The following KIFAP3 variants were observed in gnomAD, a reference collection of about 807,000 sequenced individuals.
KIFAP3 encodes kinesin-associated protein 3.
In KIFAP3, 68 loss-of-function variants were observed where a neutral mutation model predicts 106.5. That is an observed-to-expected ratio of 0.64 (90% confidence interval 0.53 to 0.78). The LOEUF (loss-of-function observed/expected upper bound fraction) is 0.78, where lower values mean the gene tolerates loss of function less well. Ranked by LOEUF, KIFAP3 falls within the 30% of genes least tolerant of loss-of-function variation. The pLI, the probability that KIFAP3 is intolerant of heterozygous loss-of-function variation, is 0.00. For synonymous variants in KIFAP3, 320 were observed against 311.5 expected (o/e 1.03, Z -0.29); for missense variants, 780 against 941.8 (o/e 0.83, Z 2.25).
intron 5 of KIFAP3, among the ~76,000 whole-genome samples, chr1:170,037,577 A>C (rs1347031043): frequency 6.6e-6 from 1 of 152,036 alleles, no homozygotes; most frequent in Middle Eastern, 3.4e-3. Context: ...TAAAAAAAAA[A>C]AAACAAACCA....
At chr1:170,041,787 G>T in intron 3 of KIFAP3, 1 of 1,528,078 alleles carries the variant, frequency 6.5e-7, no homozygotes, top group Non-Finnish European at 8.8e-7. Context: ...CTGATCTGTT[G>T]GCCTCCTTAA....
intron 1 of KIFAP3, among the ~76,000 whole-genome samples, chr1:170,064,081 G>C (rs1371784924): frequency 2.0e-5 from 3 of 152,078 alleles, no homozygotes; most frequent in African/African-American, 7.2e-5. Flanking sequence ...TTTGGGAGTG[G>C]GAGGTATATA....
intron 19 of KIFAP3, among the ~76,000 whole-genome samples, chr1:169,940,823 C>T (rs1055457174): frequency 2.6e-5 from 4 of 152,082 alleles, no homozygotes; most frequent in African/African-American, 9.7e-5. Flanking sequence ...TGTTTCTACT[C>T]CTTTCCAGCA....
intron 19 of KIFAP3, chr1:169,923,149 C>A (rs1662914068): frequency 3.1e-6 from 3 of 954,952 alleles, no homozygotes; most frequent in African/African-American, 1.8e-5. Flanking sequence ...CGATTCTGGA[C>A]AAAATTTGTT....
At chr1:170,021,230 T>C (rs1221694906) in intron 9 of KIFAP3, among the ~76,000 whole-genome samples, 1 of 151,928 alleles carries the variant, frequency 6.6e-6, no homozygotes, top group Non-Finnish European at 1.5e-5. Context: ...AAGAGTAAAA[T>C]AAACACTTTA....
intron 1 of KIFAP3, among the ~76,000 whole-genome samples, chr1:170,079,828 A>G (rs1671992061): frequency 6.6e-6 from 1 of 151,746 alleles, no homozygotes; most frequent in South Asian, 2.1e-4. Context: ...TTTGATAGAG[A>G]TAGCATTGAA....
intron 13 of KIFAP3, among the ~76,000 whole-genome samples, 179 bp from the exon 14 acceptor site, chr1:169,983,046 G>A (rs920798218): frequency 5.9e-5 from 9 of 151,958 alleles, no homozygotes; most frequent in Admixed American, 5.3e-4. Flanking sequence ...TTTAAGGCAA[G>A]AAGACTGTAG....
intron 10 of KIFAP3, among the ~76,000 whole-genome samples, chr1:169,998,265 T>A (rs1256087957): frequency 6.6e-6 from 1 of 152,054 alleles, no homozygotes; most frequent in East Asian, 1.9e-4. Flanking sequence ...CTGTTTCATT[T>A]ACCTTTAAAC....
rs756216616 is a variant in KIFAP3 at position 170,061,667 on chromosome 1, A to G, written c.33-6231T>C. ...ACCCAGCCATCCCATTACTGGGTAT[A>G]TACACAAAGGATTATAAATCATGCT... On this transcript the variant is annotated intron_variant, in intron 1 of 19. Transcript: ENST00000361580. Among the ~76,000 whole-genome samples the G allele has an allele frequency of 1.0e-3, 152 of 152,340 alleles. 1 individual carries two copies. Among genetic ancestry groups the G allele is most frequent in the Middle Eastern group, 3.4e-3 (1 of 294 alleles).
intron 13 of KIFAP3, 85 bp downstream of exon 13, chr1:169,983,185 A>G: frequency 2.6e-6 from 2 of 759,636 alleles, no homozygotes; most frequent in Non-Finnish European, 2.2e-6. Context: ...TTAATATTTG[A>G]CGAGACCTCA....
At chr1:169,955,049 A>G (rs1199628275) in intron 18 of KIFAP3, among the ~76,000 whole-genome samples, 1 of 152,222 alleles carries the variant, frequency 6.6e-6, no homozygotes, top group African/African-American at 2.4e-5. Context: ...TGAATAGAAC[A>G]AATACGTTAG....
At chr1:169,942,949 C>G (rs1664222700) in intron 19 of KIFAP3, among the ~76,000 whole-genome samples, 1 of 121,294 alleles carries the variant, frequency 8.2e-6, no homozygotes, top group African/African-American at 3.1e-5. Context: ...CAACAAAAAA[C>G]TAATTTCTTT....
chr1:169,966,366 G>A (rs1391499892), intron 17 of KIFAP3, among the ~76,000 whole-genome samples: 2 of 150,350 alleles, frequency 1.3e-5, no homozygotes, highest in African/African-American at 4.9e-5. Context: ...CTACTAGGAT[G>A]AATCTACTAC....
intron 11 of KIFAP3, among the ~76,000 whole-genome samples, 188 bp from the exon 12 acceptor site, chr1:169,984,878 A>C (rs542976993): frequency 6.6e-6 from 1 of 151,852 alleles, no homozygotes; most frequent in Non-Finnish European, 1.5e-5. Context: ...CAGTTAATGA[A>C]CTCTTAGATG....
At chr1:169,962,380 T>C (rs992495281) in intron 17 of KIFAP3, among the ~76,000 whole-genome samples, 3 of 152,132 alleles carry the variant, frequency 2.0e-5, no homozygotes, top group Admixed American at 1.3e-4. Flanking sequence ...ACTTGTCCCA[T>C]AGGTTGCAGC....
At chr1:170,073,770 A>G (rs570401450) in intron 1 of KIFAP3, among the ~76,000 whole-genome samples, 35 of 152,054 alleles carry the variant, frequency 2.3e-4, no homozygotes, top group Non-Finnish European at 4.7e-4. Flanking sequence ...ATCCCAACAG[A>G]CTACAATTTT....
rs192795936 is a variant in KIFAP3, at chr1:170,015,516, A to C, written c.1183+946T>G. 2.4e-3 allele frequency among the ~76,000 whole-genome samples: 367 copies of C among 152,326 alleles called. 2 individuals are homozygous for C. Among genetic ancestry groups the C allele is most frequent in the African/African-American group, 8.4e-3 (349 of 41,582 alleles). On this transcript the variant is annotated intron_variant, in intron 10 of 19. Coordinates refer to ENST00000361580, the MANE Select transcript of KIFAP3 (RefSeq NM_014970.4). The stretch of plus-strand genomic sequence containing the variant: ...TTGTTGTGCAGTATTGAATATATGG[A>C]GAAAGCTGTTAAAAAGAATGAAACT...
At chr1:169,941,351 T>C (rs1664099387) in intron 19 of KIFAP3, among the ~76,000 whole-genome samples, 1 of 152,214 alleles carries the variant, frequency 6.6e-6, no homozygotes, top group South Asian at 2.1e-4. Flanking sequence ...TCCCCAAAAG[T>C]GGATCCTCTT....
chr1:170,010,913 A>G (rs1668212730), intron 10 of KIFAP3, among the ~76,000 whole-genome samples: 1 of 151,994 alleles, frequency 6.6e-6, no homozygotes, highest in African/African-American at 2.4e-5. Flanking sequence ...AGAGGCTTCT[A>G]CACCTCTTAA....
Sources: gnomAD v4.1 joint callset for allele counts (sites outside exome capture counted in the v4.1 genomes callset) on GRCh38, gnomAD v4.1.1 for gene constraint, MANE v1.5 for transcripts, NCBI Gene and HGNC (gene_info 2026-07-23, HGNC 2026-07-21) for gene names.